The following ATF7IP variants were observed in gnomAD, a reference collection of about 807,000 sequenced individuals.
ATF7IP encodes the protein activating transcription factor 7 interacting protein.
In ATF7IP, 23 loss-of-function variants were observed where a neutral mutation model predicts 106.4. That is an observed-to-expected ratio of 0.22 (90% CI 0.16 to 0.31). The LOEUF (loss-of-function observed/expected upper bound fraction) is 0.31, where lower values mean the gene tolerates loss of function less well. Ranked by LOEUF, ATF7IP falls within the 10% of genes least tolerant of loss-of-function variation. The probability of loss-of-function intolerance (pLI) is 1.00; values close to 1 mark genes in which losing one functional copy is unlikely to be tolerated. For missense variants in ATF7IP, 1,334 were observed against 1,524.3 expected (o/e 0.88, Z 2.08); for synonymous variants, 542 against 539.0 (o/e 1.01, Z -0.08).
chr12:14,396,437 T>TAAA (rs36115150), intron 1 of ATF7IP, among the ~76,000 whole-genome samples: 2 of 146,226 alleles, frequency 1.4e-5, no homozygotes, highest in Non-Finnish European at 3.0e-5. Flanking sequence ...TGCTTGGATT[T>TAAA]AAAAAAAAAA....
At chr12:14,454,362 C>G (rs1943342210) in intron 6 of ATF7IP, among the ~76,000 whole-genome samples, 2 of 152,162 alleles carry the variant, frequency 1.3e-5, no homozygotes, top group South Asian at 2.1e-4. Context: ...GGTGCTCTAT[C>G]AAGTTGAGGG....
chr12:14,425,551 T>G, intron 2 of ATF7IP, 78 bp downstream of exon 2: 1 of 1,379,570 alleles, frequency 7.2e-7, no homozygotes, highest in Non-Finnish European at 9.6e-7. Flanking sequence ...CATAATGTTT[T>G]AAATTTATTT....
intron 13 of ATF7IP, among the ~76,000 whole-genome samples, chr12:14,492,356 A>G (rs1466004795): frequency 1.3e-5 from 2 of 152,114 alleles, no homozygotes; most frequent in African/African-American, 4.8e-5. Flanking sequence ...CGCAATGCAC[A>G]GTTACCCTGG....
At chr12:14,426,881 A>G (rs7137932) in intron 2 of ATF7IP, among the ~76,000 whole-genome samples, 6,527 of 149,088 alleles carry the variant, frequency 0.044, 650 homozygotes, top group African/African-American at 0.16. Context: ...AGAGCATTCA[A>G]CTAAACCTAT....
intron 13 of ATF7IP, among the ~76,000 whole-genome samples, chr12:14,486,665 G>T (rs1404642058): frequency 6.6e-6 from 1 of 152,174 alleles, no homozygotes; most frequent in Non-Finnish European, 1.5e-5. Context: ...CAATGCTAGA[G>T]CTCTATACAA....
chr12:14,375,380 A>G (rs995073210), intron 1 of ATF7IP, among the ~76,000 whole-genome samples: 2 of 152,168 alleles, frequency 1.3e-5, no homozygotes, highest in Admixed American at 6.5e-5. Context: ...TTGTTAATAA[A>G]AAGTTTCTAA....
intron 10 of ATF7IP, among the ~76,000 whole-genome samples, chr12:14,471,712 A>G (rs1165012613): frequency 6.6e-6 from 1 of 152,156 alleles, no homozygotes; most frequent in Non-Finnish European, 1.5e-5. Context: ...TTACAAAACC[A>G]TCAGATCTTG....
At chr12:14,421,465 C>G (rs1254499417) in intron 1 of ATF7IP, among the ~76,000 whole-genome samples, 1 of 152,152 alleles carries the variant, frequency 6.6e-6, no homozygotes, top group Non-Finnish European at 1.5e-5. Context: ...TGTTCCAGGC[C>G]TCTCTCCTAG....
At chr12:14,476,008 C>T in intron 11 of ATF7IP, 40 bp downstream of exon 11, 1 of 1,488,204 alleles carries the variant, frequency 6.7e-7, no homozygotes, top group Admixed American at 1.7e-5. Context: ...GTTTTGATAC[C>T]ATTTTTTTTG....
In ATF7IP at chr12:14,501,928, G is replaced by A. The variant is rs185050303; in HGVS notation, c.*3855G>A. 6.6e-6 allele frequency: 1 copy of A among 152,244 alleles called. No individual in the cohort carries two copies. The highest frequency in any genetic ancestry group is 6.5e-5 in the Admixed American group (1 of 15,286). The allele number at this position is 152,244 out of a possible 1,614,324, so 9.4% of individuals were successfully genotyped here. On this transcript the variant is annotated 3_prime_UTR_variant, in exon 15 of 15. Coordinates refer to ENST00000261168, the MANE Select transcript of ATF7IP (RefSeq NM_018179.5). ...ATACTGCATGGTATTCATTTATCTT[G>A]TTTCATGAACTTTCCAGTACTGTAC...
At chr12:14,430,411 C>T (rs988546778) in intron 2 of ATF7IP, among the ~76,000 whole-genome samples, 3 of 152,280 alleles carry the variant, frequency 2.0e-5, no homozygotes, top group East Asian at 1.9e-4. Flanking sequence ...GGAGATAATA[C>T]AATGGGACTT....
intron 4 of ATF7IP, among the ~76,000 whole-genome samples, chr12:14,436,994 C>T (rs1942434713): frequency 6.6e-6 from 1 of 151,922 alleles, no homozygotes; most frequent in Non-Finnish European, 1.5e-5. Flanking sequence ...GGTTATAAGT[C>T]TACATTCTAA....
chr12:14,492,983 A>G (rs1416284588), intron 13 of ATF7IP, among the ~76,000 whole-genome samples: 1 of 152,158 alleles, frequency 6.6e-6, no homozygotes, highest in African/African-American at 2.4e-5. Context: ...AAAGTGACTG[A>G]TTCACTCTAC....
At chr12:14,430,830 A>T (rs926936667) in intron 2 of ATF7IP, among the ~76,000 whole-genome samples, 3 of 152,196 alleles carry the variant, frequency 2.0e-5, no homozygotes, top group African/African-American at 7.2e-5. Context: ...GTCACATAGC[A>T]CTTATTGCAC....
rs1302307939 is a variant in ATF7IP, at chr12:14,435,308, G to C, written c.1646-798G>C. 2.6e-5 allele frequency among the ~76,000 whole-genome samples: 4 copies of C among 152,266 alleles called. No individual in the cohort carries two copies. The South Asian group carries it at 6.2e-4, about 24-fold the overall frequency. On this transcript the variant is annotated intron_variant, in intron 3 of 14. Coordinates refer to ENST00000261168, the MANE Select transcript of ATF7IP (RefSeq NM_018179.5). ...ATGCTGCTATCCATATATGACCATG[G>C]GTAAGTTAAGATTGTAAGAGAAATT...
At position 14,434,146 on chromosome 12, in the gene ATF7IP, A is replaced by G. The variant is rs1054105669; in HGVS notation, c.1559-191A>G. Among the ~76,000 whole-genome samples the G allele has an allele frequency of 2.0e-5, 3 of 152,338 alleles. No homozygotes were observed. In the South Asian group the frequency reaches 6.2e-4, roughly 32 times the overall value. ...TTGAGTTTGTTCTGAATTGCAGAAC[A>G]GTTGAATGTGGACGTGGTCATTCAT... On this transcript the variant is annotated intron_variant, in intron 2 of 14. Transcript: ENST00000261168.
chr12:14,488,381 T>C (rs961963687), intron 13 of ATF7IP, among the ~76,000 whole-genome samples: 4 of 152,148 alleles, frequency 2.6e-5, no homozygotes, highest in Admixed American at 6.6e-5. Flanking sequence ...TGGAGGCCGA[T>C]GTTTCAGGGT....
intron 10 of ATF7IP, among the ~76,000 whole-genome samples, chr12:14,474,974 G>A (rs1295553608): frequency 6.6e-6 from 1 of 152,146 alleles, no homozygotes. Flanking sequence ...ATAAGAATGA[G>A]AATTGCATTA....
At chr12:14,377,181 G>T (rs1271420650) in intron 1 of ATF7IP, among the ~76,000 whole-genome samples, 5 of 151,848 alleles carry the variant, frequency 3.3e-5, no homozygotes, top group African/African-American at 1.2e-4. Context: ...TTTTAGTAGA[G>T]ACGGGGTTTC....
Sources: gnomAD v4.1 joint callset for allele counts (sites outside exome capture counted in the v4.1 genomes callset) on GRCh38, gnomAD v4.1.1 for gene constraint, MANE v1.5 for transcripts, NCBI Gene and HGNC (gene_info 2026-07-23, HGNC 2026-07-21) for gene names.